The following ANK2 variants were observed in gnomAD, a reference collection of about 807,000 sequenced individuals.
ANK2 encodes the protein ankyrin 2.
ANK2 carries 83 observed loss-of-function variants against 360.5 expected under a neutral mutation model. The observed-to-expected ratio is 0.23, with a 90% confidence interval of 0.19 to 0.28. ANK2 has a LOEUF of 0.28. ANK2 is among the 10% of genes least tolerant of loss of function. The pLI is 1.00. For missense variants in ANK2, 4,201 were observed against 4,795.7 expected, an observed-to-expected ratio of 0.88 and a Z score of 3.66; for synonymous variants, 1,740 against 1,759.5, an observed-to-expected ratio of 0.99 and a Z score of 0.28.
intron 2 of ANK2, among the ~76,000 whole-genome samples, chr4:112,962,313 A>G (rs569263508): frequency 3.3e-4 from 50 of 152,036 alleles, no homozygotes; most frequent in Non-Finnish European, 6.0e-4. Context: ...TTCTTTGCCT[A>G]TGCTGATTCA....
At chr4:113,245,621 A>T (rs1429615523) in intron 9 of ANK2, among the ~76,000 whole-genome samples, 1 of 152,136 alleles carries the variant, frequency 6.6e-6, no homozygotes, top group East Asian at 1.9e-4. Context: ...GCATGAGGGT[A>T]ACCACCCCGT....
chr4:112,748,717 T>A, the ANK2 span, among the ~76,000 whole-genome samples: 3 of 152,162 alleles, frequency 2.0e-5, no homozygotes, highest in African/African-American at 7.2e-5. Flanking sequence ...TATTTTATGG[T>A]CCCCTGAGGC....
At chr4:112,878,134 C>A (rs1018893349) in intron 1 of ANK2, among the ~76,000 whole-genome samples, 1 of 126,940 alleles carries the variant, frequency 7.9e-6, no homozygotes, top group Non-Finnish European at 1.7e-5. Flanking sequence ...CTATCTCTAG[C>A]TTTTCCCCTA....
the ANK2 span, among the ~76,000 whole-genome samples, chr4:112,738,336 A>G: frequency 6.7e-6 from 1 of 149,848 alleles, no homozygotes; most frequent in Non-Finnish European, 1.5e-5. Context: ...CGCTTGAACC[A>G]GGGAGGCAGA....
At chr4:113,163,083 A>G (rs2097593496) in intron 1 of ANK2, among the ~76,000 whole-genome samples, 1 of 151,996 alleles carries the variant, frequency 6.6e-6, no homozygotes, top group Non-Finnish European at 1.5e-5. Flanking sequence ...CTGGGAAGCA[A>G]TTTTCTTCTT....
At chr4:112,744,562 C>G in the ANK2 span, among the ~76,000 whole-genome samples, 1 of 152,028 alleles carries the variant, frequency 6.6e-6, no homozygotes, top group Admixed American at 6.6e-5. Flanking sequence ...GTTGGCCAGG[C>G]TGGTCTCAAA....
At chr4:113,159,766 C>T (rs1288512699) in intron 1 of ANK2, among the ~76,000 whole-genome samples, 1 of 145,012 alleles carries the variant, frequency 6.9e-6, no homozygotes, top group Non-Finnish European at 1.5e-5. Context: ...CACCACCACG[C>T]CCGGCTAATT....
At position 113,159,764 on chromosome 4, in the gene ANK2, C is replaced by T. The variant is rs181820118; in HGVS notation, c.85-14652C>T. ...CTGGGATTATAGGCACCCACCACCA[C>T]GCCCGGCTAATTTTTATATATATAT... is the stretch of plus-strand genomic sequence containing the variant. On this transcript the variant is annotated intron_variant, in intron 1 of 45. Coordinates refer to ENST00000357077, the MANE Select transcript of ANK2 (RefSeq NM_001148.6). 3.3e-3 allele frequency among the ~76,000 whole-genome samples: 493 copies of T among 147,274 alleles called. 1 individual carries two copies. Among genetic ancestry groups the T allele is most frequent in the African/African-American group, 0.011 (445 of 40,702 alleles).
chr4:113,208,922 A>T (rs1449658959), intron 4 of ANK2, among the ~76,000 whole-genome samples: 1 of 151,990 alleles, frequency 6.6e-6, no homozygotes, highest in African/African-American at 2.4e-5. Context: ...ATGGTTATTA[A>T]AGCAGTGGAC....
intron 15 of ANK2, among the ~76,000 whole-genome samples, chr4:113,275,744 G>T (rs942349453): frequency 1.3e-5 from 2 of 151,430 alleles, no homozygotes; most frequent in Non-Finnish European, 2.9e-5. Flanking sequence ...AGCAACAAAT[G>T]TAGTAATAAC....
intron 1 of ANK2, among the ~76,000 whole-genome samples, chr4:112,876,650 A>G (rs867952009): frequency 3.9e-5 from 6 of 152,178 alleles, no homozygotes; most frequent in Non-Finnish European, 5.9e-5. Context: ...GTCTGAGACT[A>G]GGCTAGAGCT....
intron 2 of ANK2, among the ~76,000 whole-genome samples, chr4:112,914,292 A>G (rs1049607572): frequency 6.6e-6 from 1 of 152,224 alleles, no homozygotes; most frequent in Non-Finnish European, 1.5e-5. Context: ...GAATTGGCAT[A>G]GGGTAAAATT....
At chr4:113,040,127 T>C (rs2062597053) in intron 2 of ANK2, among the ~76,000 whole-genome samples, 1 of 152,016 alleles carries the variant, frequency 6.6e-6, no homozygotes, top group African/African-American at 2.4e-5. Context: ...CAAGAACTAA[T>C]ATCACTAGAG....
At chr4:113,004,378 T>G (rs2051974659) in intron 2 of ANK2, among the ~76,000 whole-genome samples, 1 of 152,074 alleles carries the variant, frequency 6.6e-6, no homozygotes, top group South Asian at 2.1e-4. Context: ...TATTTAAAAA[T>G]TTTTTTTGTT....
At chr4:113,324,111 A>G (rs897577956) in intron 26 of ANK2, among the ~76,000 whole-genome samples, 4 of 152,288 alleles carry the variant, frequency 2.6e-5, no homozygotes, top group Admixed American at 1.3e-4. Flanking sequence ...AGAGATGAAA[A>G]ATGTTGTTCC....
chr4:112,749,179 C>T, the ANK2 span, among the ~76,000 whole-genome samples: 11 of 152,202 alleles, frequency 7.2e-5, no homozygotes, highest in African/African-American at 1.7e-4. Context: ...GGATTACAGG[C>T]GTGAGCCACC....
chr4:113,352,649 CT>C (rs947671509), intron 37 of ANK2, among the ~76,000 whole-genome samples: 12 of 147,260 alleles, frequency 8.1e-5, no homozygotes, highest in Non-Finnish European at 1.4e-4. Context: ...GGTTGGTTTT[CT>C]TTTTTTTTTC....
At chr4:112,904,469 G>C in exon 2 of ANK2, 1 of 1,488,054 alleles carries the variant, frequency 6.7e-7, no homozygotes, top group South Asian at 1.3e-5. Context: ...GTAATGAAAA[G>C]AGACATGAAG....
At chr4:112,921,158 C>T (rs1452909033) in intron 2 of ANK2, among the ~76,000 whole-genome samples, 1 of 148,150 alleles carries the variant, frequency 6.7e-6, no homozygotes, top group Non-Finnish European at 1.5e-5. Context: ...TTCCAAGTAG[C>T]TGGGGCTACA....
Sources: gnomAD v4.1 joint callset for allele counts (sites outside exome capture counted in the v4.1 genomes callset) on GRCh38, gnomAD v4.1.1 for gene constraint, MANE v1.5 for transcripts, NCBI Gene and HGNC (gene_info 2026-07-23, HGNC 2026-07-21) for gene names.